The following GLT1D1 variants were observed in gnomAD, a reference collection of about 807,000 sequenced individuals.
GLT1D1 encodes glycosyltransferase 1 domain containing 1, also known as glycosyltransferase 1 domain-containing protein 1.
GLT1D1 carries 21 observed loss-of-function variants against 28.7 expected under a neutral mutation model. That is an observed-to-expected ratio of 0.73 (90% CI 0.52 to 1.05). The LOEUF is 1.05. Ranked by LOEUF, GLT1D1 falls within the 50% of genes least tolerant of loss-of-function variation. The probability of loss-of-function intolerance (pLI) is 0.00; values close to 1 mark genes in which losing one functional copy is unlikely to be tolerated. For synonymous variants in GLT1D1, 147 were observed against 124.8 expected, an observed-to-expected ratio of 1.18 and a Z score of -1.19; for missense variants, 343 against 330.6, an observed-to-expected ratio of 1.04 and a Z score of -0.29.
Position 128,942,735 on chromosome 12 carries a change from G to GTTTTTTTTTTTTTTTTTTTTT in GLT1D1, c.376-2588_376-2587insTTTTTTTTTTTTTTTTTTTTT, listed in dbSNP as rs1397894974. ...ATCACTTTAGATTCCAATTTTCTTT[G>GTTTTTTTTTTTTTTTTTTTTT]TTTGTTTGTTTTTGTTTTTTGTTTT... is the stretch of plus-strand genomic sequence containing the variant. On this transcript the variant is annotated intron_variant, in intron 4 of 7. Coordinates refer to ENST00000281703, the MANE Select transcript of GLT1D1 (RefSeq NM_144669.3). 1.1e-4 allele frequency among the ~76,000 whole-genome samples: 10 copies of GTTTTTTTTTTTTTTTTTTTTT among 89,566 alleles called. 3 individuals carry two copies. The highest frequency in any genetic ancestry group is 4.3e-4 in the African/African-American group (10 of 23,168). The allele number at this position is 89,566 out of a possible 152,430, so 58.8% of individuals were successfully genotyped here.
chr12:128,967,683 T>A (rs897904719), intron 7 of GLT1D1, among the ~76,000 whole-genome samples: 17 of 152,236 alleles, frequency 1.1e-4, no homozygotes, highest in Non-Finnish European at 2.5e-4. Flanking sequence ...AGGGAGAAAT[T>A]CCCGTCTCAC....
chr12:128,935,236 T>C (rs1315079323), intron 4 of GLT1D1, among the ~76,000 whole-genome samples: 4 of 152,178 alleles, frequency 2.6e-5, no homozygotes, highest in Non-Finnish European at 5.9e-5. Context: ...CATTTTCTAC[T>C]CTACCAGAGC....
intron 6 of GLT1D1, among the ~76,000 whole-genome samples, chr12:128,954,916 G>A (rs552212612): frequency 1.2e-4 from 19 of 152,254 alleles, no homozygotes; most frequent in Admixed American, 7.2e-4. Flanking sequence ...ATTGAGCCAC[G>A]GCATTCCAGC....
intron 6 of GLT1D1, among the ~76,000 whole-genome samples, chr12:128,947,835 A>G (rs549778875): frequency 6.6e-6 from 1 of 152,130 alleles, no homozygotes; most frequent in South Asian, 2.1e-4. Flanking sequence ...TTTCTTTTCC[A>G]TATGTTCTGT....
Position 128,858,630 on chromosome 12 carries a change from C to T in GLT1D1, c.68+4981C>T, listed in dbSNP as rs150638034. The stretch of plus-strand genomic sequence containing the variant: ...AGGTTGCAGTGAGCTGAGATCACAC[C>T]ATTGCACTCCAGCCTGGGCAACAGA... On this transcript the variant is annotated intron_variant, in intron 1 of 7. Coordinates refer to ENST00000281703, the MANE Select transcript of GLT1D1 (RefSeq NM_144669.3). 1.4e-3 allele frequency among the ~76,000 whole-genome samples: 216 copies of T among 150,836 alleles called. 1 individual carries two copies. The highest frequency in any genetic ancestry group is 4.8e-3 in the African/African-American group (197 of 40,870).
At chr12:128,889,365 T>G (rs568549221) in intron 3 of GLT1D1, among the ~76,000 whole-genome samples, 4 of 152,168 alleles carry the variant, frequency 2.6e-5, no homozygotes, top group Non-Finnish European at 4.4e-5. Context: ...GCCCTCTAGC[T>G]GTCCCAGGGA....
intron 1 of GLT1D1, among the ~76,000 whole-genome samples, chr12:128,869,619 A>T (rs1956633820): frequency 6.6e-6 from 1 of 152,132 alleles, no homozygotes; most frequent in Non-Finnish European, 1.5e-5. Flanking sequence ...ATACGTGTGC[A>T]TGTCTAACCG....
At chr12:128,927,999 C>CAAAAAAA (rs938188484) in intron 4 of GLT1D1, among the ~76,000 whole-genome samples, 8 of 42,242 alleles carry the variant, frequency 1.9e-4, no homozygotes, top group Non-Finnish European at 2.6e-4. Context: ...GACTCTGTCT[C>CAAAAAAA]AAAAAAAAAA....
At chr12:128,876,144 C>T (rs1956865937) in intron 2 of GLT1D1, 82 bp downstream of exon 2, 2 of 1,250,756 alleles carry the variant, frequency 1.6e-6, no homozygotes, top group Non-Finnish European at 2.2e-6. Context: ...ACACGGGAAA[C>T]AGTGTCTCCT....
intron 4 of GLT1D1, among the ~76,000 whole-genome samples, chr12:128,924,459 T>G (rs773011220): frequency 1.3e-5 from 2 of 151,462 alleles, no homozygotes; most frequent in African/African-American, 4.8e-5. Context: ...AAAAAGCCTC[T>G]TTTATTTATT....
intron 7 of GLT1D1, among the ~76,000 whole-genome samples, chr12:128,973,348 ATTTTT>A (rs369304204): frequency 1.2e-4 from 14 of 118,870 alleles, no homozygotes; most frequent in Non-Finnish European, 2.0e-4. Flanking sequence ...ACACCTGGCT[ATTTTT>A]TTTTTTTTTT....
intron 1 of GLT1D1, among the ~76,000 whole-genome samples, chr12:128,856,938 C>T (rs1452768992): frequency 6.6e-6 from 1 of 152,008 alleles, no homozygotes; most frequent in East Asian, 1.9e-4. Flanking sequence ...GCACAACAGC[C>T]TGGGAGACAG....
intron 2 of GLT1D1, among the ~76,000 whole-genome samples, chr12:128,882,518 C>T (rs148505194): frequency 9.8e-4 from 149 of 152,182 alleles, no homozygotes; most frequent in African/African-American, 2.9e-3. Flanking sequence ...TCAGGTGACC[C>T]ACCACCTACC....
intron 4 of GLT1D1, among the ~76,000 whole-genome samples, chr12:128,942,953 T>C (rs1002894432): frequency 6.6e-5 from 10 of 152,112 alleles, no homozygotes; most frequent in Non-Finnish European, 1.5e-4. Context: ...TTCACCATGT[T>C]GGCCAGGATA....
intron 7 of GLT1D1, among the ~76,000 whole-genome samples, chr12:128,969,752 G>T (rs144683159): frequency 2.2e-3 from 337 of 152,324 alleles, no homozygotes; most frequent in Non-Finnish European, 4.2e-3. Context: ...CTTCCTTCCC[G>T]CTGTGAGCTC....
At chr12:128,927,904 G>A (rs1339278268) in intron 4 of GLT1D1, among the ~76,000 whole-genome samples, 1 of 148,102 alleles carries the variant, frequency 6.8e-6, no homozygotes, top group African/African-American at 2.5e-5. Context: ...GGAGGCTGAG[G>A]CAGGAGAATC....
chr12:128,962,697 T>C (rs1878087756), intron 7 of GLT1D1, among the ~76,000 whole-genome samples: 1 of 152,170 alleles, frequency 6.6e-6, no homozygotes, highest in South Asian at 2.1e-4. Context: ...AGTCAGATTC[T>C]AAAATAATTC....
chr12:128,976,678 T>G (rs767805201), intron 7 of GLT1D1, among the ~76,000 whole-genome samples: 2 of 152,218 alleles, frequency 1.3e-5, no homozygotes, highest in African/African-American at 2.4e-5. Flanking sequence ...TGCTGAAGGT[T>G]GTCAGAATGT....
At chr12:128,960,266 G>A (rs148200660) in intron 7 of GLT1D1, among the ~76,000 whole-genome samples, 4 of 152,202 alleles carry the variant, frequency 2.6e-5, no homozygotes, top group East Asian at 3.9e-4. Context: ...TGTGCTAGAC[G>A]TGGATGTCGC....
Sources: allele counts gnomAD v4.1 joint callset (sites outside exome capture counted in the v4.1 genomes callset), GRCh38; gene constraint gnomAD v4.1.1; transcripts MANE v1.5; gene names NCBI Gene and HGNC (gene_info 2026-07-23, HGNC 2026-07-21).